SKAP2: variants seen among roughly 807,000 people sequenced by gnomAD.
The protein encoded by SKAP2 is src kinase associated phosphoprotein 2, also known as src kinase-associated phosphoprotein 2.
A neutral mutation model predicts 54.9 loss-of-function variants in SKAP2; 28 were observed. The ratio of observed to expected loss-of-function variants is 0.51; its 90% CI spans 0.38 to 0.70. The LOEUF (loss-of-function observed/expected upper bound fraction) is 0.70. SKAP2 is among the 30% of genes least tolerant of loss of function. SKAP2 has a pLI of 0.00. For missense variants in SKAP2, 356 were observed against 424.1 expected (o/e 0.84, Z 1.41); for synonymous variants, 137 against 134.3 (o/e 1.02, Z -0.14).
chr7:26,777,916 A>T (rs1273234722), intron 4 of SKAP2, among the ~76,000 whole-genome samples: 1 of 152,086 alleles, frequency 6.6e-6, no homozygotes, highest in Non-Finnish European at 1.5e-5. Flanking sequence ...TAACAACTCA[A>T]CACCTATAAA....
chr7:26,744,011 T>C (rs1188480864), intron 4 of SKAP2, among the ~76,000 whole-genome samples: 15 of 152,136 alleles, frequency 9.9e-5, no homozygotes, highest in Non-Finnish European at 8.8e-5. Context: ...ATTGTAGACA[T>C]AGTACAGCAA....
intron 4 of SKAP2, among the ~76,000 whole-genome samples, chr7:26,755,365 T>C (rs2127968244): frequency 6.6e-6 from 1 of 152,150 alleles, no homozygotes; most frequent in East Asian, 1.9e-4. Context: ...TAAGAACTGG[T>C]ACAGTCATTA....
the SKAP2 span, among the ~76,000 whole-genome samples, chr7:26,661,669 A>T: frequency 1.3e-5 from 2 of 152,176 alleles, no homozygotes; most frequent in African/African-American, 4.8e-5. Context: ...ATCAAATCTC[A>T]AACTCCTCTA....
chr7:26,820,098 G>C (rs1245130147), intron 4 of SKAP2, among the ~76,000 whole-genome samples: 1 of 152,192 alleles, frequency 6.6e-6, no homozygotes, highest in Non-Finnish European at 1.5e-5. Flanking sequence ...CAGGAATATT[G>C]CTTGAGCCCA....
downstream of SKAP2, among the ~76,000 whole-genome samples, chr7:26,664,375 A>C (rs1786070309): frequency 6.6e-6 from 1 of 152,162 alleles, no homozygotes; most frequent in African/African-American, 2.4e-5. Context: ...TGTTATCATC[A>C]CATTTGATGT....
chr7:26,714,167 T>C (rs1023171650), intron 9 of SKAP2, among the ~76,000 whole-genome samples: 5 of 152,044 alleles, frequency 3.3e-5, no homozygotes, highest in African/African-American at 1.2e-4. Context: ...TTCCAAGAAT[T>C]TGTGTGCTTA....
intron 9 of SKAP2, among the ~76,000 whole-genome samples, chr7:26,704,396 G>A (rs527986112): frequency 3.9e-5 from 6 of 152,312 alleles, no homozygotes; most frequent in Non-Finnish European, 7.4e-5. Context: ...TAAGAAGATT[G>A]ATTAATCCTG....
intron 4 of SKAP2, among the ~76,000 whole-genome samples, chr7:26,817,613 CAT>C (rs1784296756): frequency 6.6e-6 from 1 of 152,034 alleles, no homozygotes; most frequent in African/African-American, 2.4e-5. Context: ...TAGATAGACA[CAT>C]GACACAGGTT....
At chr7:26,665,170 G>A (rs1009993391), downstream of SKAP2, among the ~76,000 whole-genome samples, 10 of 152,138 alleles carry the variant, frequency 6.6e-5, no homozygotes, top group African/African-American at 2.4e-4. Flanking sequence ...CTGATATTAC[G>A]CAAGTGGAAT....
intron 4 of SKAP2, among the ~76,000 whole-genome samples, chr7:26,744,526 G>T (rs1453757320): frequency 6.6e-6 from 1 of 152,154 alleles, no homozygotes; most frequent in African/African-American, 2.4e-5. Flanking sequence ...GTGAGAGAGA[G>T]TTAGAGTTGG....
chr7:26,677,500 C>T (rs1389939409), intron 11 of SKAP2, among the ~76,000 whole-genome samples: 1 of 152,028 alleles, frequency 6.6e-6, no homozygotes, highest in Non-Finnish European at 1.5e-5. Context: ...ATAGCACAGC[C>T]GTTCTTCTAG....
chr7:26,847,492 C>T (rs993601559), intron 3 of SKAP2, among the ~76,000 whole-genome samples: 1 of 150,888 alleles, frequency 6.6e-6, no homozygotes, highest in African/African-American at 2.4e-5. Flanking sequence ...GCAAAGACTT[C>T]GATAAATTAA....
intron 4 of SKAP2, among the ~76,000 whole-genome samples, chr7:26,762,726 C>T (rs1232168239): frequency 6.6e-6 from 1 of 151,842 alleles, no homozygotes; most frequent in African/African-American, 2.4e-5. Flanking sequence ...TTTTTCAATA[C>T]AACTAAAATA....
intron 9 of SKAP2, among the ~76,000 whole-genome samples, chr7:26,707,084 G>A (rs1787176723): frequency 6.6e-6 from 1 of 152,086 alleles, no homozygotes; most frequent in African/African-American, 2.4e-5. Flanking sequence ...TTAAAGCCAG[G>A]CACAGTGGGT....
chr7:26,799,058 C>G (rs4722641), intron 4 of SKAP2, among the ~76,000 whole-genome samples: 31,342 of 136,764 alleles, frequency 0.23, 3,562 homozygotes, highest in Non-Finnish European at 0.24. Context: ...AGGGGCGGGA[C>G]AGGGGCAGGG....
At chr7:26,856,849 T>G (rs1785173484) in intron 1 of SKAP2, among the ~76,000 whole-genome samples, 1 of 152,148 alleles carries the variant, frequency 6.6e-6, no homozygotes, top group Non-Finnish European at 1.5e-5. Context: ...GCCTATTTTA[T>G]ATTTTCATTA....
At chr7:26,839,710 A>G (rs1784782598) in intron 4 of SKAP2, among the ~76,000 whole-genome samples, 1 of 152,076 alleles carries the variant, frequency 6.6e-6, no homozygotes, top group African/African-American at 2.4e-5. Context: ...GATATGAGAG[A>G]AAAGTAAAAC....
intron 4 of SKAP2, among the ~76,000 whole-genome samples, chr7:26,801,483 A>G (rs1451642665): frequency 6.6e-6 from 1 of 152,204 alleles, no homozygotes; most frequent in African/African-American, 2.4e-5. Context: ...CTGTTATTCA[A>G]CACAGTACTG....
intron 9 of SKAP2, among the ~76,000 whole-genome samples, chr7:26,693,961 C>A (rs1228048004): frequency 6.6e-6 from 1 of 151,770 alleles, no homozygotes; most frequent in Non-Finnish European, 1.5e-5. Context: ...ACAGAATAAA[C>A]AAATGGATTA....
Sources: gnomAD v4.1 joint callset for allele counts (sites outside exome capture counted in the v4.1 genomes callset) on GRCh38, gnomAD v4.1.1 for gene constraint, MANE v1.5 for transcripts, NCBI Gene and HGNC (gene_info 2026-07-23, HGNC 2026-07-21) for gene names.